ARHGAP42: variants seen among roughly 807,000 people sequenced by gnomAD.
ARHGAP42 encodes Rho GTPase activating protein 42, also known as rho GTPase-activating protein 42.
ARHGAP42 carries 63 observed loss-of-function variants against 125.0 expected under a neutral mutation model. That is an observed-to-expected ratio of 0.50 (90% CI 0.41 to 0.62). ARHGAP42 has a LOEUF of 0.62. Among genes scored for constraint, ARHGAP42 ranks in the 20% least tolerant of loss-of-function variants. The pLI is 0.00. For synonymous variants in ARHGAP42, 339 were observed against 351.0 expected (o/e 0.97, Z 0.38); for missense variants, 766 against 1,024.2 (o/e 0.75, Z 3.44).
intron 4 of ARHGAP42, among the ~76,000 whole-genome samples, chr11:100,906,571 G>A (rs1202836430): frequency 4.4e-5 from 3 of 68,954 alleles, no homozygotes; most frequent in African/African-American, 1.9e-4. Flanking sequence ...CCATTTTAAT[G>A]TGGAAACTTT....
intron 1 of ARHGAP42, among the ~76,000 whole-genome samples, chr11:100,733,522 A>G (rs1207638567): frequency 6.6e-6 from 1 of 152,160 alleles, no homozygotes; most frequent in East Asian, 1.9e-4. Context: ...CTCTTTGTAT[A>G]TTTAAAATGC....
At chr11:100,759,414 C>A (rs1248796248) in intron 1 of ARHGAP42, among the ~76,000 whole-genome samples, 1 of 152,160 alleles carries the variant, frequency 6.6e-6, no homozygotes, top group Non-Finnish European at 1.5e-5. Flanking sequence ...TAATTTACCT[C>A]TCCTAAATAC....
intron 3 of ARHGAP42, among the ~76,000 whole-genome samples, chr11:100,798,224 T>G (rs1321977609): frequency 6.6e-6 from 1 of 152,224 alleles, no homozygotes; most frequent in Non-Finnish European, 1.5e-5. Flanking sequence ...ATAAACTTAG[T>G]TGAGAATGCA....
chr11:100,972,516 TTGGA>T lies in ARHGAP42; in HGVS notation c.1551-630_1551-627del, dbSNP rs111816630. ...TACTAGGGAGGTACTCAGGGAAGTT[TTGGA>T]TGGATGGATGGATGGATGGATGGAT... On this transcript the variant is annotated intron_variant, in intron 17 of 23. Transcript: ENST00000298815. 8.1e-4 allele frequency among the ~76,000 whole-genome samples: 121 copies of T among 150,280 alleles called. 3 individuals carry two copies. The highest frequency in any genetic ancestry group is 6.6e-3 in the East Asian group (33 of 4,992).
intron 1 of ARHGAP42, among the ~76,000 whole-genome samples, chr11:100,759,575 TA>T (rs1453532154): frequency 6.6e-6 from 1 of 152,008 alleles, no homozygotes; most frequent in African/African-American, 2.4e-5. Flanking sequence ...AGTATAATAA[TA>T]AAAGGGATCA....
At chr11:100,829,735 T>C (rs1056458525) in intron 3 of ARHGAP42, among the ~76,000 whole-genome samples, 1 of 152,204 alleles carries the variant, frequency 6.6e-6, no homozygotes, top group Non-Finnish European at 1.5e-5. Context: ...ATTTTCCCCC[T>C]TGTTGTCTGA....
At chr11:100,716,061 TATA>T (rs1861655767) in intron 1 of ARHGAP42, among the ~76,000 whole-genome samples, 1 of 152,132 alleles carries the variant, frequency 6.6e-6, no homozygotes, top group Admixed American at 6.6e-5. Flanking sequence ...GACAAATTGG[TATA>T]TTTTTAAAAT....
rs143531096 is a variant in ARHGAP42 at position 100,886,815 on chromosome 11, T to C, written c.385-26637T>C. Among the ~76,000 whole-genome samples the C allele has an allele frequency of 2.1e-3, 317 of 152,324 alleles. 1 individual carries two copies. Among genetic ancestry groups the C allele is most frequent in the African/African-American group, 7.1e-3 (297 of 41,570 alleles). ...AACTTCTTTGAGAAGAAATCAAATA[T>C]AGTGGGAAGAACACTGAATTAGGTT... On this transcript the variant is annotated intron_variant, in intron 4 of 23. Coordinates refer to ENST00000298815, the MANE Select transcript of ARHGAP42 (RefSeq NM_152432.4).
At position 100,961,714 on chromosome 11, in the gene ARHGAP42, A is replaced by C; in HGVS notation, c.1331A>C (p.Asp444Ala). The C allele has an allele frequency of 3.9e-6, 6 of 1,551,724 alleles. No individual in the cohort carries two copies. The highest frequency in any genetic ancestry group is 5.2e-6 in the Non-Finnish European group (6 of 1,146,842). The change falls in exon 15 of 24, where the codon GAT becomes GCT. Residue 444 changes from aspartate (D) to alanine (A), a missense_variant. Asp to Ala is a moderately radical substitution (Grantham distance 126). Coordinates refer to ENST00000298815, the MANE Select transcript of ARHGAP42 (RefSeq NM_152432.4). ...SPKSPPDIDI[D>A]IELWDNKTIT... ...AAATCCCCTCCTGATATTGATATTG[A>C]TATTGAACTGTGGGACAATAAGACG...
intron 9 of ARHGAP42, 50 bp downstream of exon 9, chr11:100,941,934 G>A (rs1221183669): frequency 6.1e-6 from 8 of 1,303,410 alleles, no homozygotes; most frequent in African/African-American, 3.0e-5. Flanking sequence ...CATTATTTAA[G>A]TAATGGAATT....
At chr11:100,803,249 T>G (rs563700725) in intron 3 of ARHGAP42, among the ~76,000 whole-genome samples, 1 of 152,048 alleles carries the variant, frequency 6.6e-6, no homozygotes, top group East Asian at 1.9e-4. Flanking sequence ...AGATGCGTAC[T>G]GTATATCTAA....
At chr11:100,693,656 G>A (rs1565530734) in intron 1 of ARHGAP42, among the ~76,000 whole-genome samples, 1 of 152,162 alleles carries the variant, frequency 6.6e-6, no homozygotes, top group South Asian at 2.1e-4. Context: ...AGAATGGGTT[G>A]CTGTCAGAAC....
At chr11:100,922,259 CT>C (rs1490369523) in intron 6 of ARHGAP42, among the ~76,000 whole-genome samples, 1 of 152,136 alleles carries the variant, frequency 6.6e-6, no homozygotes, top group Non-Finnish European at 1.5e-5. Flanking sequence ...ATCTGCTTGA[CT>C]TTCCTATGAA....
At chr11:100,824,896 T>C (rs1467574085) in intron 3 of ARHGAP42, among the ~76,000 whole-genome samples, 1 of 152,242 alleles carries the variant, frequency 6.6e-6, no homozygotes, top group African/African-American at 2.4e-5. Context: ...TCCTTGAAGC[T>C]GTGTTACTTG....
intron 3 of ARHGAP42, among the ~76,000 whole-genome samples, chr11:100,810,480 G>A (rs618291): frequency 0.55 from 84,229 of 151,934 alleles, 23,505 homozygotes; most frequent in East Asian, 0.72. Flanking sequence ...CCAAACTTCT[G>A]CCAAACCTTT....
chr11:100,993,867 G>T lies in ARHGAP42; in HGVS notation c.*5066G>T, dbSNP rs116452980. On this transcript the variant is annotated 3_prime_UTR_variant, in exon 24 of 24. Transcript: ENST00000298815. ...CTCATGTTTATTCCTAATCTAAATT[G>T]CCACAATATTTTTAATGTATGGTTA... The T allele has an allele frequency of 6.6e-4, 110 of 166,898 alleles. No individual in the cohort carries two copies. Among genetic ancestry groups the T allele is most frequent in the African/African-American group, 2.5e-3 (104 of 41,450 alleles). 10.3% of individuals were successfully genotyped at this position (166,898 alleles called of 1,614,324 possible).
At chr11:100,803,213 T>TAAA (rs34702756) in intron 3 of ARHGAP42, among the ~76,000 whole-genome samples, 23 of 148,002 alleles carry the variant, frequency 1.6e-4, no homozygotes, top group South Asian at 2.2e-4. Context: ...CAATCTCTAC[T>TAAA]AAAAAAAAAA....
chr11:100,774,702 T>C (rs1244479428), intron 2 of ARHGAP42, among the ~76,000 whole-genome samples: 1 of 150,496 alleles, frequency 6.6e-6, no homozygotes, highest in Non-Finnish European at 1.5e-5. Flanking sequence ...AAAAAGGTTT[T>C]GGGCAAAGTA....
intron 3 of ARHGAP42, among the ~76,000 whole-genome samples, chr11:100,829,510 G>T (rs1378848594): frequency 6.6e-6 from 1 of 152,148 alleles, no homozygotes; most frequent in African/African-American, 2.4e-5. Context: ...GGCATGCAAA[G>T]AATCTTCTTA....
Sources: gnomAD v4.1 joint callset for allele counts (sites outside exome capture counted in the v4.1 genomes callset) on GRCh38, gnomAD v4.1.1 for gene constraint, MANE v1.5 for transcripts, NCBI Gene and HGNC (gene_info 2026-07-23, HGNC 2026-07-21) for gene names.